CCDC15: variants seen among roughly 807,000 people sequenced by gnomAD.
CCDC15 encodes the protein coiled-coil domain containing 15, also known as coiled-coil domain-containing protein 15.
A neutral mutation model predicts 114.5 loss-of-function variants in CCDC15; 105 were observed. That is an observed-to-expected ratio of 0.92 (90% confidence interval 0.78 to 1.08). CCDC15 has a LOEUF of 1.08. CCDC15 is among the 50% of genes least tolerant of loss of function. The probability of loss-of-function intolerance (pLI) is 0.00; values close to 1 mark genes in which losing one functional copy is unlikely to be tolerated. For missense variants in CCDC15, 1,105 were observed against 1,093.6 expected, an observed-to-expected ratio of 1.01 and a Z score of -0.15; for synonymous variants, 334 against 377.8, an observed-to-expected ratio of 0.88 and a Z score of 1.34.
intron 14 of CCDC15, 52 bp from the exon 15 acceptor site, chr11:125,038,869 C>T (rs756521263): frequency 1.3e-6 from 2 of 1,557,906 alleles, no homozygotes; most frequent in Admixed American, 3.5e-5. Flanking sequence ...AGGATTCATA[C>T]TCACTTTCTT....
intron 6 of CCDC15, 34 bp from the exon 7 acceptor site, chr11:124,986,708 C>CAT (rs1565366452): frequency 7.2e-7 from 1 of 1,396,900 alleles, no homozygotes; most frequent in African/African-American, 1.7e-5. Flanking sequence ...TGTGCGCGCG[C>CAT]GCGCGTGCGC....
intron 13 of CCDC15, among the ~76,000 whole-genome samples, chr11:125,027,454 C>T (rs558665522): frequency 6.6e-6 from 1 of 152,170 alleles, no homozygotes; most frequent in African/African-American, 2.4e-5. Flanking sequence ...GGTGATACCT[C>T]ATTGTGGTTT....
intron 13 of CCDC15, among the ~76,000 whole-genome samples, chr11:125,036,866 G>T (rs1050968951): frequency 1.3e-5 from 2 of 152,036 alleles, no homozygotes; most frequent in South Asian, 4.1e-4. Context: ...ATAGGATTCT[G>T]AATTCCTCTC....
intron 13 of CCDC15, chr11:125,037,317 T>G (rs1948782458): frequency 6.6e-6 from 1 of 152,236 alleles, no homozygotes; most frequent in Non-Finnish European, 1.5e-5. Context: ...GTTTTTCAAG[T>G]TTGATTGGTG....
intron 13 of CCDC15, among the ~76,000 whole-genome samples, chr11:125,010,640 A>G (rs1217988687): frequency 6.6e-6 from 1 of 152,120 alleles, no homozygotes; most frequent in African/African-American, 2.4e-5. Flanking sequence ...GAATTACAGG[A>G]GTGAGCTACC....
At chr11:124,959,045 G>T (rs1947607951) in intron 2 of CCDC15, 70 bp from the exon 3 acceptor site, 1 of 1,006,470 alleles carries the variant, frequency 9.9e-7, no homozygotes. Context: ...TGACTGTTTT[G>T]TGTTTAAAAC....
chr11:124,991,468 A>G lies in CCDC15; in HGVS notation c.1916A>G (p.His639Arg). The G allele has an allele frequency of 1.3e-6, 2 of 1,539,192 alleles. No homozygotes were observed. The highest frequency in any genetic ancestry group is 8.8e-7 in the Non-Finnish European group (1 of 1,132,602). The part of the protein sequence containing the change: ...QDFLPKYQKV[H>R]FKEPYSDMTD... ...TATTATTTTATCTTTTAGAAAGTAC[A>G]CTTTAAGGAGCCATACTCTGATATG... Residue 639 changes from histidine to arginine, a missense_variant, in exon 9 of 16, where the codon CAC becomes CGC. Coordinates refer to ENST00000344762, the MANE Select transcript of CCDC15 (RefSeq NM_025004.3).
At chr11:124,979,579 GC>G (rs1346790289) in intron 6 of CCDC15, among the ~76,000 whole-genome samples, 1 of 152,072 alleles carries the variant, frequency 6.6e-6, no homozygotes, top group East Asian at 1.9e-4. Flanking sequence ...TTGGCTCTTA[GC>G]TTGGGTATTG....
At chr11:125,000,902 A>G (rs1164596368) in intron 11 of CCDC15, among the ~76,000 whole-genome samples, 1 of 152,184 alleles carries the variant, frequency 6.6e-6, no homozygotes, top group Non-Finnish European at 1.5e-5. Context: ...ATTTTTGTCA[A>G]CTAATCAATA....
intron 3 of CCDC15, 85 bp from the exon 4 acceptor site, chr11:124,959,730 A>T: frequency 1.1e-6 from 1 of 904,412 alleles, no homozygotes; most frequent in Non-Finnish European, 1.5e-6. Context: ...CCCAATTTAA[A>T]ATCTTCTGAA....
Position 125,005,193 on chromosome 11 carries a change from C to T in CCDC15, c.2392C>T (p.Gln798Ter). 1 of 1,525,014 alleles carries T rather than the reference C, an allele frequency of 6.6e-7. No individual in the cohort carries two copies. The allele number at this position is 1,525,014 out of a possible 1,614,324, so 94.5% of individuals were successfully genotyped here. ...TAAAGAACAACAAAGGCAAAAAGAACAAAAGAAGAAAATTGAAAAGTAAGT... is the reference window on the plus strand; with the variant it reads ...TAAAGAACAACAAAGGCAAAAAGAATAAAAGAAGAAAATTGAAAAGTAAGT... ...QVKEQQRQKE[Q>*]KKKIEKIKKK... The change falls in exon 13 of 16, where the codon CAA (glutamine) becomes TAA (stop). Residue 798 changes from glutamine (Q) to a stop codon, truncating the protein, a stop_gained. Coordinates refer to ENST00000344762, the MANE Select transcript of CCDC15 (RefSeq NM_025004.3). LOFTEE classifies it high-confidence loss of function.
chr11:125,031,098 T>A (rs973932945), intron 13 of CCDC15, among the ~76,000 whole-genome samples: 1 of 152,224 alleles, frequency 6.6e-6, no homozygotes, highest in African/African-American at 2.4e-5. Flanking sequence ...CATCTGGCCA[T>A]TTCTCCTTCC....
At chr11:125,007,636 T>G (rs910590103) in intron 13 of CCDC15, among the ~76,000 whole-genome samples, 8 of 148,852 alleles carry the variant, frequency 5.4e-5, no homozygotes, top group Admixed American at 3.4e-4. Context: ...TGTTTTTAGG[T>G]TTTTTTTTTA....
chr11:125,036,833 A>G (rs964473197), intron 13 of CCDC15, among the ~76,000 whole-genome samples: 1 of 152,028 alleles, frequency 6.6e-6, no homozygotes, highest in Non-Finnish European at 1.5e-5. Context: ...AAATTATTTC[A>G]ATCTCTTTAT....
chr11:124,981,835 G>T (rs1173116913), intron 6 of CCDC15, among the ~76,000 whole-genome samples: 1 of 152,172 alleles, frequency 6.6e-6, no homozygotes, highest in Non-Finnish European at 1.5e-5. Context: ...TGGCCAGGCT[G>T]GTTTTGAACT....
At position 124,987,340 on chromosome 11, in the gene CCDC15, C is replaced by T. The variant is rs754063936; in HGVS notation, c.1114C>T (p.Pro372Ser). Residue 372 changes from proline (P) to serine (S), a missense_variant, in exon 8 of 16, where the codon CCA becomes TCA. Physicochemically the swap from Pro to Ser is moderately conservative, Grantham distance 74 (BLOSUM62 -1). Coordinates refer to ENST00000344762, the MANE Select transcript of CCDC15 (RefSeq NM_025004.3). ...AVEMKVQVTE[P>S]EGQAIEPEGQ... ...TGAAATGAAGGTTCAGGTTACTGAG[C>T]CAGAAGGCCAGGCCATTGAGCCAGA... 6.2e-7 allele frequency: 1 copy of T among 1,613,448 alleles called. No individual in the cohort carries two copies. Among genetic ancestry groups the T allele is most frequent in the South Asian group, 1.1e-5 (1 of 91,040 alleles).
intron 6 of CCDC15, among the ~76,000 whole-genome samples, chr11:124,984,304 A>G (rs540159247): frequency 1.3e-5 from 2 of 152,148 alleles, no homozygotes; most frequent in South Asian, 2.1e-4. Context: ...ATGGTCAGGC[A>G]TGGTCTGCCA....
At chr11:125,022,415 T>C (rs909782743) in intron 13 of CCDC15, among the ~76,000 whole-genome samples, 1 of 152,010 alleles carries the variant, frequency 6.6e-6, no homozygotes, top group Admixed American at 6.6e-5. Context: ...CAATTTAGAT[T>C]TACAGTTGTA....
chr11:125,014,535 T>G lies in CCDC15; in HGVS notation c.2411+9323T>G, dbSNP rs80189486. On this transcript the variant is annotated intron_variant, in intron 13 of 15. Transcript: ENST00000344762. ...GAGATGGAGAAAATGGATGAAAATATTGAGAATTTCACCAAAGAAATGGAA... is the reference window on the plus strand; with the variant it reads ...GAGATGGAGAAAATGGATGAAAATAGTGAGAATTTCACCAAAGAAATGGAA... Among the ~76,000 whole-genome samples, 920 of 152,222 alleles carry G rather than the reference T, an allele frequency of 6.0e-3. 6 individuals carry two copies. Among genetic ancestry groups the G allele is most frequent in the African/African-American group, 0.019 (788 of 41,546 alleles).
Sources: allele counts gnomAD v4.1 joint callset (sites outside exome capture counted in the v4.1 genomes callset), GRCh38; gene constraint gnomAD v4.1.1; transcripts MANE v1.5; gene names NCBI Gene and HGNC (gene_info 2026-07-23, HGNC 2026-07-21).